The following FARS2 variants were observed in gnomAD, a reference collection of about 807,000 sequenced individuals.
FARS2 encodes phenylalanyl-tRNA synthetase 2, mitochondrial, also known as phenylalanine--tRNA ligase, mitochondrial.
A neutral mutation model predicts 46.4 loss-of-function variants in FARS2; 40 were observed. That is an observed-to-expected ratio of 0.86 (90% CI 0.67 to 1.12). The LOEUF is 1.12. FARS2 is among the 50% of genes most tolerant of loss of function. The probability of loss-of-function intolerance (pLI) is 0.00; values close to 1 mark genes in which losing one functional copy is unlikely to be tolerated. For missense variants in FARS2, 513 were observed against 567.9 expected (o/e 0.90, Z 0.98); for synonymous variants, 234 against 214.9 (o/e 1.09, Z -0.78).
intron 4 of FARS2, among the ~76,000 whole-genome samples, chr6:5,499,641 G>A (rs140956350): frequency 1.6e-4 from 25 of 152,218 alleles, no homozygotes; most frequent in African/African-American, 5.8e-4. Flanking sequence ...CAAGTTCCCC[G>A]TAGAGTTCTT....
rs146672725 is a variant in FARS2, at chr6:5,425,336, A to G, written c.773-5705A>G. Among the ~76,000 whole-genome samples the G allele has an allele frequency of 3.9e-3, 599 of 152,348 alleles. 2 individuals carry two copies. The highest frequency in any genetic ancestry group is 0.014 in the African/African-American group (580 of 41,584). ...CATCTTTAAATACAAACGGTATGGG[A>G]AACAGCAGAAGAATCTCTTTAATGA... On this transcript the variant is annotated intron_variant, in intron 3 of 6. Coordinates refer to ENST00000274680, the MANE Select transcript of FARS2 (RefSeq NM_006567.5).
intron 6 of FARS2, among the ~76,000 whole-genome samples, chr6:5,719,094 G>T (rs1213885061): frequency 6.6e-6 from 1 of 152,072 alleles, no homozygotes; most frequent in Admixed American, 6.6e-5. Flanking sequence ...TGAAGTAAAG[G>T]CTGCCTGACT....
At chr6:5,307,083 GTATTT>G (rs1489807507) in intron 1 of FARS2, among the ~76,000 whole-genome samples, 1 of 151,844 alleles carries the variant, frequency 6.6e-6, no homozygotes, top group African/African-American at 2.4e-5. Context: ...TGAAAATCTG[GTATTT>G]TAAAAATTAT....
At chr6:5,701,388 C>T (rs567048178) in intron 6 of FARS2, among the ~76,000 whole-genome samples, 11 of 152,168 alleles carry the variant, frequency 7.2e-5, no homozygotes, top group Non-Finnish European at 1.2e-4. Flanking sequence ...AGGCGTGGGG[C>T]GTGTGTCATT....
At chr6:5,290,171 A>G (rs995071190) in intron 1 of FARS2, among the ~76,000 whole-genome samples, 2 of 152,232 alleles carry the variant, frequency 1.3e-5, no homozygotes, top group East Asian at 3.8e-4. Context: ...CCCTTCAACA[A>G]AAGTCTTAAG....
chr6:5,260,011 C>T (rs1422345262), upstream of FARS2, among the ~76,000 whole-genome samples: 1 of 152,122 alleles, frequency 6.6e-6, no homozygotes, highest in Non-Finnish European at 1.5e-5. Flanking sequence ...TGAGTTTAGG[C>T]CCTCAATATC....
Position 5,553,783 on chromosome 6 carries a change from G to C in FARS2, c.1065+8443G>C, listed in dbSNP as rs139834681. On this transcript the variant is annotated intron_variant, in intron 5 of 6. Transcript: ENST00000274680. ...TGCAGATTCTAATTCAGTGGGTCTG[G>C]GGGGGTGCCTGGGATTCTGCATTTC... 2.6e-4 allele frequency among the ~76,000 whole-genome samples: 40 copies of C among 152,224 alleles called. No homozygotes were observed. The East Asian group carries it at 7.7e-3, about 29-fold the overall frequency.
At chr6:5,440,236 T>A (rs572906769) in intron 4 of FARS2, among the ~76,000 whole-genome samples, 6 of 152,310 alleles carry the variant, frequency 3.9e-5, no homozygotes, top group Non-Finnish European at 8.8e-5. Context: ...AATTGTCAGA[T>A]ATACCTACAT....
intron 6 of FARS2, among the ~76,000 whole-genome samples, chr6:5,683,605 CTT>C (rs201642558): frequency 6.8e-6 from 1 of 146,192 alleles, no homozygotes. Flanking sequence ...TTGTTTTTTT[CTT>C]TTTTTTTTTC....
intron 6 of FARS2, among the ~76,000 whole-genome samples, chr6:5,767,945 A>G (rs536165817): frequency 6.6e-6 from 1 of 152,156 alleles, no homozygotes; most frequent in South Asian, 2.1e-4. Context: ...TGAGGAATCA[A>G]TTTTCTTATC....
intron 5 of FARS2, 66 bp downstream of exon 5, chr6:5,545,406 TG>T: frequency 8.1e-7 from 1 of 1,229,098 alleles, no homozygotes; most frequent in African/African-American, 1.5e-5. Context: ...GACAGGATCA[TG>T]TACTTGAAAG....
At chr6:5,511,880 A>T (rs777694595) in intron 4 of FARS2, among the ~76,000 whole-genome samples, 3 of 152,232 alleles carry the variant, frequency 2.0e-5, no homozygotes, top group Non-Finnish European at 1.5e-5. Context: ...CTGTTAGAGG[A>T]TACAAGAAAC....
chr6:5,497,260 C>A (rs1767527465), intron 4 of FARS2, among the ~76,000 whole-genome samples: 1 of 152,136 alleles, frequency 6.6e-6, no homozygotes, highest in African/African-American at 2.4e-5. Context: ...ACTGAGTCCA[C>A]ATGAGGAAAG....
At chr6:5,420,557 A>C (rs919041642) in intron 3 of FARS2, among the ~76,000 whole-genome samples, 20 of 152,216 alleles carry the variant, frequency 1.3e-4, no homozygotes, top group Admixed American at 1.3e-3. Context: ...GGCCCCATGC[A>C]AGTGTGAAAT....
At chr6:5,593,438 C>G (rs1412698357) in intron 5 of FARS2, among the ~76,000 whole-genome samples, 1 of 152,196 alleles carries the variant, frequency 6.6e-6, no homozygotes, top group African/African-American at 2.4e-5. Flanking sequence ...AGAAACACCT[C>G]CAACTGAAAT....
In FARS2 at chr6:5,445,190, T is replaced by TAA. The variant is rs34383902; in HGVS notation, c.904+14026_904+14027dup. On this transcript the variant is annotated intron_variant, in intron 4 of 6. Coordinates refer to ENST00000274680, the MANE Select transcript of FARS2 (RefSeq NM_006567.5). ...TCTTAAAGAAATTCTTAGAGACCTTTAAAAAAAAAGAGAGAAAAAGAGGAT... is the reference window on the plus strand; with the variant it reads ...TCTTAAAGAAATTCTTAGAGACCTTTAAAAAAAAAAAGAGAGAAAAAGAGGAT... Among the ~76,000 whole-genome samples, 45 of 150,038 alleles carry TAA rather than the reference T, an allele frequency of 3.0e-4. 1 individual carries two copies. The highest frequency in any genetic ancestry group is 7.8e-4 in the African/African-American group (32 of 40,920).
In FARS2 at chr6:5,723,372, G is replaced by A. The variant is rs147632564; in HGVS notation, c.1218-47919G>A. On this transcript the variant is annotated intron_variant, in intron 6 of 6. Transcript: ENST00000274680. ...TCAAGTGTAGTATCATGGGTCATGG[G>A]AAAAGGCTGCTGGATTCAAAACTCG... 4.0e-5 allele frequency among the ~76,000 whole-genome samples: 6 copies of A among 149,896 alleles called. No individual in the cohort carries two copies. In the East Asian group the frequency reaches 1.2e-3, roughly 29 times the overall value.
chr6:5,326,724 G>A (rs113489453), intron 1 of FARS2, among the ~76,000 whole-genome samples: 7 of 152,282 alleles, frequency 4.6e-5, no homozygotes, highest in South Asian at 2.1e-4. Context: ...GGTTTGCTCC[G>A]TCATCATGAA....
chr6:5,595,631 A>T (rs893370384), intron 5 of FARS2, among the ~76,000 whole-genome samples: 1 of 152,196 alleles, frequency 6.6e-6, no homozygotes, highest in African/African-American at 2.4e-5. Context: ...ACTCTTCCCC[A>T]GGTTACAGAC....
Sources: gnomAD v4.1 joint callset for allele counts (sites outside exome capture counted in the v4.1 genomes callset) on GRCh38, gnomAD v4.1.1 for gene constraint, MANE v1.5 for transcripts, NCBI Gene and HGNC (gene_info 2026-07-23, HGNC 2026-07-21) for gene names.